The following COP1 variants were observed in gnomAD, a reference collection of about 807,000 sequenced individuals.
The protein encoded by COP1 is E3 ubiquitin-protein ligase COP1.
COP1 carries 24 observed loss-of-function variants against 101.3 expected under a neutral mutation model. The ratio of observed to expected loss-of-function variants is 0.24; its 90% CI spans 0.17 to 0.33. COP1 has a LOEUF of 0.33. COP1 is among the 10% of genes least tolerant of loss of function. The probability of loss-of-function intolerance (pLI) is 1.00; values close to 1 mark genes in which losing one functional copy is unlikely to be tolerated. For synonymous variants in COP1, 347 were observed against 341.9 expected, an observed-to-expected ratio of 1.01 and a Z score of -0.17; for missense variants, 663 against 906.2, an observed-to-expected ratio of 0.73 and a Z score of 3.45.
intron 7 of COP1, among the ~76,000 whole-genome samples, chr1:176,136,198 C>T (rs1254896566): frequency 6.6e-6 from 1 of 151,972 alleles, no homozygotes; most frequent in Non-Finnish European, 1.5e-5. Context: ...TAATAATTGA[C>T]AGTTTTAAGT....
intron 14 of COP1, among the ~76,000 whole-genome samples, chr1:176,032,910 T>C (rs763389337): frequency 6.6e-6 from 1 of 152,168 alleles, no homozygotes; most frequent in Non-Finnish European, 1.5e-5. Context: ...AGAATATACT[T>C]AGTAAAGCTT....
At chr1:176,103,580 C>A (rs1430343610) in intron 9 of COP1, among the ~76,000 whole-genome samples, 1 of 152,136 alleles carries the variant, frequency 6.6e-6, no homozygotes, top group Non-Finnish European at 1.5e-5. Context: ...CCAAAATGCT[C>A]CAATTAGCAT....
chr1:176,005,632 G>A (rs960302316), intron 15 of COP1, among the ~76,000 whole-genome samples: 1 of 152,186 alleles, frequency 6.6e-6, no homozygotes, highest in Non-Finnish European at 1.5e-5. Flanking sequence ...TCAGGAGCAG[G>A]TTGTTCAGTT....
chr1:176,088,878 C>T (rs1558084118), intron 9 of COP1, among the ~76,000 whole-genome samples: 3 of 151,778 alleles, frequency 2.0e-5, no homozygotes, highest in Non-Finnish European at 4.4e-5. Flanking sequence ...GCCTGTAATC[C>T]CAGCTACTCG....
At chr1:175,985,034 A>G (rs1211122654) in intron 18 of COP1, among the ~76,000 whole-genome samples, 2 of 152,220 alleles carry the variant, frequency 1.3e-5, no homozygotes, top group Non-Finnish European at 2.9e-5. Flanking sequence ...TGCTTAAATG[A>G]GTTAAGACTT....
intron 18 of COP1, among the ~76,000 whole-genome samples, chr1:175,984,922 T>C (rs1467625419): frequency 2.6e-5 from 4 of 152,224 alleles, no homozygotes; most frequent in Non-Finnish European, 5.9e-5. Context: ...ATTCTCTTCA[T>C]ATCTAGGAAT....
At chr1:176,036,045 G>C (rs186592784) in intron 14 of COP1, among the ~76,000 whole-genome samples, 1 of 151,834 alleles carries the variant, frequency 6.6e-6, no homozygotes, top group African/African-American at 2.4e-5. Flanking sequence ...AAATCAAACA[G>C]AATTTTAAAC....
intron 15 of COP1, among the ~76,000 whole-genome samples, chr1:175,994,152 T>G (rs918664787): frequency 5.7e-4 from 87 of 152,214 alleles, no homozygotes; most frequent in African/African-American, 2.0e-3. Context: ...CTAAGCTTCA[T>G]AAGTGAAGGA....
chr1:176,140,590 T>C (rs561430318), intron 6 of COP1, among the ~76,000 whole-genome samples: 11 of 152,190 alleles, frequency 7.2e-5, no homozygotes, highest in African/African-American at 2.6e-4. Context: ...ACTTCAAGGA[T>C]GTGGAAAGAA....
At chr1:176,031,800 G>A (rs1026603339) in intron 14 of COP1, among the ~76,000 whole-genome samples, 2 of 152,056 alleles carry the variant, frequency 1.3e-5, no homozygotes, top group Non-Finnish European at 2.9e-5. Flanking sequence ...TTTTCAGTTC[G>A]ATTTTGAAAT....
intron 5 of COP1, among the ~76,000 whole-genome samples, chr1:176,156,976 T>C (rs1234414002): frequency 1.3e-5 from 2 of 152,124 alleles, no homozygotes; most frequent in Non-Finnish European, 2.9e-5. Flanking sequence ...GGCAGGCAGA[T>C]CACCCAAGGC....
At chr1:176,113,303 A>G (rs1418929822) in intron 9 of COP1, among the ~76,000 whole-genome samples, 1 of 152,182 alleles carries the variant, frequency 6.6e-6, no homozygotes, top group Non-Finnish European at 1.5e-5. Flanking sequence ...GGTTAGTGAT[A>G]AGTATTTTTA....
At chr1:176,124,483 T>C (rs1431454939) in intron 8 of COP1, among the ~76,000 whole-genome samples, 2 of 145,240 alleles carry the variant, frequency 1.4e-5, no homozygotes, top group African/African-American at 2.5e-5. Flanking sequence ...ACGAGTTCAA[T>C]TGATTTTTAG....
intron 14 of COP1, 36 bp from the exon 15 acceptor site, chr1:176,027,724 C>G (rs769368984): frequency 8.2e-7 from 1 of 1,215,272 alleles, no homozygotes; most frequent in South Asian, 1.2e-5. Context: ...AAAAGAGAAA[C>G]AAGTAATACA....
intron 6 of COP1, among the ~76,000 whole-genome samples, chr1:176,143,146 A>AGAGAGAGAGAGAGAG (rs1553286862): frequency 7.5e-5 from 5 of 66,530 alleles, no homozygotes; most frequent in African/African-American, 1.9e-4. Flanking sequence ...GAGCGAGAGA[A>AGAGAGAGAGAGAGAG]AGAGAGAGAG....
intron 12 of COP1, 43 bp from the exon 13 acceptor site, chr1:176,043,861 T>C (rs1213141671): frequency 9.2e-7 from 1 of 1,087,760 alleles, no homozygotes. Context: ...TAAAAATAAA[T>C]AACAATGGGA....
chr1:176,085,544 TTATC>T (rs1558075844), intron 10 of COP1, among the ~76,000 whole-genome samples: 1 of 152,170 alleles, frequency 6.6e-6, no homozygotes, highest in African/African-American at 2.4e-5. Context: ...CTTTTTAACT[TTATC>T]TAGCTTGCCA....
At chr1:176,057,034 C>A (rs1216228240) in intron 11 of COP1, among the ~76,000 whole-genome samples, 1 of 152,128 alleles carries the variant, frequency 6.6e-6, no homozygotes, top group African/African-American at 2.4e-5. Flanking sequence ...CATCCTTATG[C>A]AAATGAAAAT....
chr1:176,119,807 T>G (rs1157787903), intron 8 of COP1, among the ~76,000 whole-genome samples: 1 of 152,196 alleles, frequency 6.6e-6, no homozygotes, highest in Non-Finnish European at 1.5e-5. Context: ...CGGTTTACTA[T>G]GCACTAACCT....
Sources: allele counts gnomAD v4.1 joint callset (sites outside exome capture counted in the v4.1 genomes callset), GRCh38; gene constraint gnomAD v4.1.1; transcripts MANE v1.5; gene names NCBI Gene and HGNC (gene_info 2026-07-23, HGNC 2026-07-21).